ISY1: variants seen among roughly 807,000 people sequenced by gnomAD.
ISY1 encodes the protein ISY1 spliceosome associated protein, also known as pre-mRNA-splicing factor ISY1 homolog.
Under a neutral mutation model 54.4 loss-of-function variants are expected in ISY1, and 12 were observed. The ratio of observed to expected loss-of-function variants is 0.22; its 90% CI spans 0.14 to 0.36. ISY1 has a LOEUF of 0.36. Ranked by LOEUF, ISY1 falls within the 10% of genes least tolerant of loss-of-function variation. The probability of loss-of-function intolerance (pLI) is 1.00; values close to 1 mark genes in which losing one functional copy is unlikely to be tolerated. For synonymous variants in ISY1, 96 were observed against 117.9 expected, an observed-to-expected ratio of 0.81 and a Z score of 1.20; for missense variants, 282 against 342.2, an observed-to-expected ratio of 0.82 and a Z score of 1.39.
Position 129,145,752 on chromosome 3 carries a change from T to G in ISY1, c.300+9A>C. 2.5e-6 allele frequency: 4 copies of G among 1,613,590 alleles called. No homozygotes were observed. Among genetic ancestry groups the G allele is most frequent in the Non-Finnish European group, 3.4e-6 (4 of 1,179,596 alleles). On this transcript the variant is annotated intron_variant, in intron 6 of 10. Transcript: ENST00000393295. ...ACAAGACCCGCCACTGGGGCTGCCA[T>G]GTACTCACTCCATAATCAGGACCTC...
chr3:129,130,009 T>C lies in ISY1; in HGVS notation c.*72A>G. ...GGCAGGAGCCCTTGCAGCACCAGCC[T>C]GTGTCTGCAGCCCTGGGTCCTGAGG... is the stretch of plus-strand genomic sequence containing the variant. On this transcript the variant is annotated 3_prime_UTR_variant, in exon 11 of 11. Coordinates refer to ENST00000393295, the MANE Select transcript of ISY1 (RefSeq NM_020701.4). The C allele has an allele frequency of 1.6e-6, 2 of 1,217,326 alleles. No individual in the cohort carries two copies. The allele number at this position is 1,217,326 out of a possible 1,614,324, so 75.4% of individuals were successfully genotyped here.
chr3:129,135,041 G>C, intron 7 of ISY1, 87 bp from the exon 8 acceptor site: 7 of 1,463,344 alleles, frequency 4.8e-6, no homozygotes, highest in Non-Finnish European at 6.4e-6. Context: ...ATACACACAC[G>C]TGGCACGTAT....
intron 9 of ISY1, 42 bp from the exon 10 acceptor site, chr3:129,130,678 CTAGA>C: frequency 6.2e-7 from 1 of 1,607,960 alleles, no homozygotes; most frequent in Non-Finnish European, 8.5e-7. Context: ...AGGCGCCCAG[CTAGA>C]TAAATGCTGG....
intron 6 of ISY1, among the ~76,000 whole-genome samples, chr3:129,141,843 A>T (rs1936626077): frequency 6.6e-6 from 1 of 152,132 alleles, no homozygotes. Context: ...AAAAGATTAC[A>T]AACAACCTAT....
chr3:129,138,985 A>G (rs954995162), intron 7 of ISY1, among the ~76,000 whole-genome samples: 1 of 151,408 alleles, frequency 6.6e-6, no homozygotes, highest in Non-Finnish European at 1.5e-5. Flanking sequence ...CCCAGGCTGG[A>G]GCGCAGTGGG....
chr3:129,146,633 G>A (rs568869587), intron 5 of ISY1, among the ~76,000 whole-genome samples: 1 of 152,300 alleles, frequency 6.6e-6, no homozygotes, highest in Non-Finnish European at 1.5e-5. Flanking sequence ...ACTTCTAGGG[G>A]TGATGGATAC....
intron 10 of ISY1, 60 bp from the exon 11 acceptor site, chr3:129,130,248 C>G: frequency 2.0e-6 from 3 of 1,523,346 alleles, no homozygotes; most frequent in Non-Finnish European, 2.6e-6. Context: ...CCCTGCCAGA[C>G]CCAGCCAGGA....
At chr3:129,133,096 G>T (rs950901358) in intron 9 of ISY1, among the ~76,000 whole-genome samples, 1 of 152,154 alleles carries the variant, frequency 6.6e-6, no homozygotes, top group African/African-American at 2.4e-5. Flanking sequence ...AGCTCTGCCT[G>T]GGAGGCAGAG....
intron 5 of ISY1, among the ~76,000 whole-genome samples, chr3:129,150,494 G>A (rs1432576437): frequency 3.3e-5 from 5 of 151,936 alleles, no homozygotes; most frequent in Admixed American, 1.3e-4. Flanking sequence ...GGTGGATCAC[G>A]AGGTCAGGAG....
rs375820041 is a variant in ISY1, at chr3:129,129,861, A to G, written c.*220T>C. ...CGCAACCTGTTGTATACACTCCACA[A>G]TAAAAATAAATGGATCCACACAGTA... is the stretch of plus-strand genomic sequence containing the variant. On this transcript the variant is annotated 3_prime_UTR_variant, in exon 11 of 11. Coordinates refer to ENST00000393295, the MANE Select transcript of ISY1 (RefSeq NM_020701.4). The G allele has an allele frequency of 6.4e-5, 26 of 406,002 alleles. No individual in the cohort carries two copies. The highest frequency in any genetic ancestry group is 4.9e-4 in the African/African-American group (24 of 48,978). 25.1% of individuals were successfully genotyped at this position (406,002 alleles called of 1,614,324 possible).
chr3:129,154,242 CAAAAAAAAAAAA>C (rs777277943), intron 5 of ISY1, among the ~76,000 whole-genome samples: 2 of 47,806 alleles, frequency 4.2e-5, no homozygotes, highest in Non-Finnish European at 8.7e-5. Context: ...GACTCTGTCT[CAAAAAAAAAAAA>C]AAAAAAAAAA....
intron 5 of ISY1, among the ~76,000 whole-genome samples, chr3:129,153,478 T>C (rs573519602): frequency 6.6e-6 from 1 of 152,132 alleles, no homozygotes; most frequent in Non-Finnish European, 1.5e-5. Flanking sequence ...CCCTTCCAGT[T>C]GTAACAATCA....
intron 6 of ISY1, among the ~76,000 whole-genome samples, chr3:129,145,194 T>C (rs1000708086): frequency 1.3e-5 from 2 of 151,388 alleles, no homozygotes. Context: ...TACAGGTGTG[T>C]GCCACTGCAC....
At chr3:129,144,113 C>A in intron 6 of ISY1, 1 of 423,128 alleles carries the variant, frequency 2.4e-6, no homozygotes, top group Non-Finnish European at 4.8e-6. Flanking sequence ...TTTTAAGCTG[C>A]CTCACAGGAA....
intron 9 of ISY1, among the ~76,000 whole-genome samples, chr3:129,131,954 T>C (rs1936247529): frequency 1.3e-5 from 2 of 152,170 alleles, no homozygotes; most frequent in South Asian, 4.2e-4. Context: ...CTCAGCCTCC[T>C]GAGTAGCTGG....
At chr3:129,159,062 G>A in intron 2 of ISY1, 92 bp downstream of exon 2, 1 of 1,479,530 alleles carries the variant, frequency 6.8e-7, no homozygotes, top group Non-Finnish European at 9.2e-7. Context: ...TTCTCAAAAG[G>A]CTCAGATACC....
intron 5 of ISY1, among the ~76,000 whole-genome samples, chr3:129,147,333 C>T (rs971530800): frequency 5.3e-5 from 8 of 151,920 alleles, no homozygotes; most frequent in Admixed American, 2.0e-4. Context: ...GCCAAGATCA[C>T]GCCAGGGCAC....
intron 9 of ISY1, among the ~76,000 whole-genome samples, chr3:129,133,352 C>T (rs748738873): frequency 5.5e-4 from 84 of 152,138 alleles, no homozygotes; most frequent in Non-Finnish European, 1.2e-3. Context: ...CCAACCATGA[C>T]CCTCTAAGAA....
At chr3:129,139,166 A>G (rs979169141) in intron 7 of ISY1, among the ~76,000 whole-genome samples, 3 of 151,838 alleles carry the variant, frequency 2.0e-5, no homozygotes, top group African/African-American at 7.3e-5. Flanking sequence ...CGAACTCCTG[A>G]CCTTGTGATT....
Sources: allele counts gnomAD v4.1 joint callset (sites outside exome capture counted in the v4.1 genomes callset), GRCh38; gene constraint gnomAD v4.1.1; transcripts MANE v1.5; gene names NCBI Gene and HGNC (gene_info 2026-07-23, HGNC 2026-07-21).